RBFOX2: variants seen among roughly 807,000 people sequenced by gnomAD.
RBFOX2 encodes the protein RNA binding fox-1 homolog 2.
A neutral mutation model predicts 49.1 loss-of-function variants in RBFOX2; 10 were observed. The ratio of observed to expected loss-of-function variants is 0.20; its 90% CI spans 0.13 to 0.35. The LOEUF (loss-of-function observed/expected upper bound fraction) is 0.35, where lower values mean the gene tolerates loss of function less well. Ranked by LOEUF, RBFOX2 falls within the 10% of genes least tolerant of loss-of-function variation. The pLI is 1.00. For synonymous variants in RBFOX2, 183 were observed against 187.4 expected, an observed-to-expected ratio of 0.98 and a Z score of 0.19; for missense variants, 323 against 486.9, an observed-to-expected ratio of 0.66 and a Z score of 3.17.
At chr22:35,831,379 T>A (rs1359130698) in intron 1 of RBFOX2, among the ~76,000 whole-genome samples, 1 of 151,926 alleles carries the variant, frequency 6.6e-6, no homozygotes. Context: ...CTGGCAGTGA[T>A]CCGAGATCGC....
chr22:35,995,186 A>G (rs1012748209), intron 1 of RBFOX2: 1 of 152,190 alleles, frequency 6.6e-6, no homozygotes, highest in African/African-American at 2.4e-5. Context: ...AACATCATCT[A>G]CCTTTTTACG....
chr22:35,868,590 A>T (rs76002570), intron 1 of RBFOX2, among the ~76,000 whole-genome samples: 12 of 146,148 alleles, frequency 8.2e-5, no homozygotes, highest in African/African-American at 2.8e-4. Context: ...TCTCTATTTT[A>T]AAAAAAAAAA....
chr22:36,020,651 A>C (rs1442707903), intron 1 of RBFOX2, among the ~76,000 whole-genome samples: 2 of 152,242 alleles, frequency 1.3e-5, no homozygotes, highest in Non-Finnish European at 2.9e-5. Context: ...AAAAATGCTC[A>C]TCATCACTGG....
At chr22:35,787,290 A>C (rs1946615127) in intron 2 of RBFOX2, among the ~76,000 whole-genome samples, 1 of 152,072 alleles carries the variant, frequency 6.6e-6, no homozygotes, top group South Asian at 2.1e-4. Flanking sequence ...TGCCTGCCTC[A>C]GCCTCCCAAA....
chr22:35,779,877 G>C (rs1404568848), intron 3 of RBFOX2, among the ~76,000 whole-genome samples: 1 of 152,178 alleles, frequency 6.6e-6, no homozygotes, highest in Non-Finnish European at 1.5e-5. Flanking sequence ...ATTTCAAGAA[G>C]TCACTAACTG....
chr22:35,875,284 T>C (rs1304133963), intron 1 of RBFOX2, among the ~76,000 whole-genome samples: 1 of 152,168 alleles, frequency 6.6e-6, no homozygotes, highest in African/African-American at 2.4e-5. Flanking sequence ...TGAGGTAATA[T>C]TTATATTTTA....
intron 1 of RBFOX2, among the ~76,000 whole-genome samples, chr22:35,921,348 A>G (rs1429229991): frequency 6.6e-6 from 1 of 152,206 alleles, no homozygotes; most frequent in Non-Finnish European, 1.5e-5. Flanking sequence ...AGCATGTTAA[A>G]ACAGATTACT....
chr22:35,840,413 C>T (rs571212159), exon 1 of RBFOX2: 116 of 1,480,564 alleles, frequency 7.8e-5, no homozygotes, highest in Admixed American at 1.2e-4. Flanking sequence ...GGCAGTCTCT[C>T]CCCCTCCTTC....
At position 35,900,506 on chromosome 22, in the gene RBFOX2, C is replaced by T. The variant is rs115910569; in HGVS notation, c.-34+38341G>A. 6.2e-3 allele frequency among the ~76,000 whole-genome samples: 945 copies of T among 151,816 alleles called. 7 individuals are homozygous for T. Among genetic ancestry groups the T allele is most frequent in the African/African-American group, 0.022 (901 of 41,336 alleles). On this transcript the variant is annotated intron_variant, in intron 1 of 13. Transcript: ENST00000359369. ...TACATAGTTTATATTCCTATCACTT[C>T]CTGGACTGGTAGAGACAATACAGAC...
At chr22:35,911,403 C>T (rs1339428590) in intron 1 of RBFOX2, among the ~76,000 whole-genome samples, 1 of 152,166 alleles carries the variant, frequency 6.6e-6, no homozygotes, top group Non-Finnish European at 1.5e-5. Flanking sequence ...GTAATCAATG[C>T]ATATGGGAAA....
chr22:35,910,868 T>G (rs2049731866), intron 1 of RBFOX2, among the ~76,000 whole-genome samples: 1 of 149,026 alleles, frequency 6.7e-6, no homozygotes, highest in African/African-American at 2.4e-5. Context: ...AAATGTTCCT[T>G]AAAATTAGTA....
intron 1 of RBFOX2, among the ~76,000 whole-genome samples, chr22:35,866,096 T>G (rs1338258016): frequency 6.6e-6 from 1 of 152,188 alleles, no homozygotes; most frequent in Non-Finnish European, 1.5e-5. Context: ...ATATTTTAAG[T>G]AAAATTTCTC....
At chr22:35,927,742 TAA>T (rs1193076081) in intron 1 of RBFOX2, among the ~76,000 whole-genome samples, 2 of 151,964 alleles carry the variant, frequency 1.3e-5, no homozygotes, top group African/African-American at 4.8e-5. Context: ...GCTCAAGTTA[TAA>T]AGTCCCAAAA....
chr22:35,834,739 G>C (rs547664917), intron 1 of RBFOX2, among the ~76,000 whole-genome samples: 1 of 152,246 alleles, frequency 6.6e-6, no homozygotes, highest in South Asian at 2.1e-4. Flanking sequence ...AGAGGCCAGT[G>C]TCATTAGAAT....
At chr22:35,951,208 C>T (rs945901099) in intron 1 of RBFOX2, among the ~76,000 whole-genome samples, 18 of 148,640 alleles carry the variant, frequency 1.2e-4, no homozygotes, top group Non-Finnish European at 1.5e-5. Context: ...CCTGCCTTGG[C>T]CTCCCAAAGT....
intron 1 of RBFOX2, among the ~76,000 whole-genome samples, chr22:35,924,642 A>G (rs1342651127): frequency 1.3e-5 from 2 of 152,168 alleles, no homozygotes; most frequent in Non-Finnish European, 2.9e-5. Flanking sequence ...TTTTTCCCCC[A>G]CTTTGTCCAT....
intron 1 of RBFOX2, among the ~76,000 whole-genome samples, chr22:35,836,678 G>A (rs1957738273): frequency 6.6e-6 from 1 of 152,198 alleles, no homozygotes; most frequent in African/African-American, 2.4e-5. Context: ...GTGTTCCACA[G>A]AAACTGGCAG....
At chr22:35,809,694 G>A (rs961490098) in intron 2 of RBFOX2, 86 bp downstream of exon 3, 60 of 1,401,856 alleles carry the variant, frequency 4.3e-5, no homozygotes, top group South Asian at 6.0e-5. Flanking sequence ...AATTAATTCC[G>A]AGAGTCTTCT....
chr22:35,899,455 T>C (rs2048299670), intron 1 of RBFOX2, among the ~76,000 whole-genome samples: 1 of 151,826 alleles, frequency 6.6e-6, no homozygotes, highest in South Asian at 2.1e-4. Flanking sequence ...AAAACTCTTC[T>C]GTATGTTACC....
Sources: allele counts gnomAD v4.1 joint callset (sites outside exome capture counted in the v4.1 genomes callset), GRCh38; gene constraint gnomAD v4.1.1; transcripts MANE v1.5; gene names NCBI Gene and HGNC (gene_info 2026-07-23, HGNC 2026-07-21).